The following MPP2 variants were observed in gnomAD, a reference collection of about 807,000 sequenced individuals.
MPP2 encodes the protein MAGUK p55 scaffold protein 2, also known as MAGUK p55 subfamily member 2.
Under a neutral mutation model 58.5 loss-of-function variants are expected in MPP2, and 42 were observed. The observed-to-expected ratio is 0.72, with a 90% CI of 0.56 to 0.93. The LOEUF is 0.93. Among genes scored for constraint, MPP2 ranks in the 40% least tolerant of loss-of-function variants. The pLI is 0.00. For missense variants in MPP2, 632 were observed against 760.4 expected, an observed-to-expected ratio of 0.83 and a Z score of 1.99; for synonymous variants, 300 against 307.8, an observed-to-expected ratio of 0.97 and a Z score of 0.26.
intron 3 of MPP2, among the ~76,000 whole-genome samples, 192 bp downstream of exon 3, chr17:43,898,070 T>TGA (rs1322695685): frequency 1.3e-5 from 2 of 152,134 alleles, no homozygotes; most frequent in Non-Finnish European, 2.9e-5. Context: ...ACCAGACAGG[T>TGA]GTGGGGGCAG....
At chr17:43,882,207 G>A (rs1373556372) in intron 6 of MPP2, 77 bp downstream of exon 6, 4 of 1,337,202 alleles carry the variant, frequency 3.0e-6, no homozygotes, top group African/African-American at 2.9e-5. Flanking sequence ...GGAGAGGAGG[G>A]CCTCCGTGAG....
chr17:43,881,043 C>T (rs369615449), intron 9 of MPP2, 47 bp downstream of exon 9: 1 of 1,600,094 alleles, frequency 6.2e-7, no homozygotes, highest in African/African-American at 1.3e-5. Flanking sequence ...CAGGGAAAGG[C>T]ATGCCATGTT....
intron 1 of MPP2, chr17:43,905,685 C>G (rs1218714166): frequency 1.3e-5 from 2 of 152,284 alleles, no homozygotes; most frequent in African/African-American, 4.8e-5. Context: ...GCAGTGCCCA[C>G]TTTAGGACTG....
intron 1 of MPP2, among the ~76,000 whole-genome samples, chr17:43,905,013 C>CA (rs967914171): frequency 9.9e-5 from 15 of 151,822 alleles, no homozygotes; most frequent in African/African-American, 3.4e-4. Context: ...CCCATCTCTA[C>CA]AAAAAAATTA....
intron 1 of MPP2, among the ~76,000 whole-genome samples, chr17:43,906,559 A>C (rs1037776491): frequency 2.0e-5 from 3 of 152,138 alleles, no homozygotes; most frequent in African/African-American, 7.2e-5. Context: ...ACATACAAAG[A>C]GGTGCGGAGA....
upstream of MPP2, chr17:43,909,694 A>G (rs3744416): frequency 0.47 from 498,536 of 1,057,572 alleles, 122,018 homozygotes; most frequent in Middle Eastern, 0.54. Flanking sequence ...GTATCTCTCT[A>G]ATAAAGGCCT....
chr17:43,905,104 G>A (rs919811141), intron 1 of MPP2, among the ~76,000 whole-genome samples: 2 of 152,064 alleles, frequency 1.3e-5, no homozygotes, highest in East Asian at 1.9e-4. Flanking sequence ...TTGAGCCCAG[G>A]AGGTCGAGGC....
At chr17:43,899,219 C>G (rs777823687) in intron 2 of MPP2, among the ~76,000 whole-genome samples, 5 of 151,656 alleles carry the variant, frequency 3.3e-5, no homozygotes, top group Admixed American at 6.6e-5. Context: ...TGCCCTCCAT[C>G]CTGGGCGACA....
chr17:43,901,950 T>C (rs537403157), intron 2 of MPP2, among the ~76,000 whole-genome samples: 2 of 151,776 alleles, frequency 1.3e-5, no homozygotes, highest in South Asian at 4.2e-4. Context: ...CTTTGCAGAG[T>C]CCAAGGCAGG....
rs748253927 is a variant in MPP2, at chr17:43,882,515, G to A, written c.454-4C>T. 3 of 1,602,150 alleles carry A rather than the reference G, an allele frequency of 1.9e-6. No individual in the cohort carries two copies. The Admixed American group carries it at 5.0e-5, about 27-fold the overall frequency. On this transcript the variant is annotated splice_polypyrimidine_tract_variant and splice_region_variant and intron_variant, in intron 5 of 12. Transcript: ENST00000269095. The stretch of plus-strand genomic sequence containing the variant: ...CCTCCACGCGGAACGTTACACCCTG[G>A]AGGTCAGAGGGAGTGTAAGATGAGG...
At chr17:43,899,751 C>A (rs1186960750) in intron 2 of MPP2, among the ~76,000 whole-genome samples, 2 of 152,032 alleles carry the variant, frequency 1.3e-5, no homozygotes, top group Non-Finnish European at 2.9e-5. Context: ...ATGGAGGACA[C>A]GATAACACCT....
rs2046984472 is a variant in MPP2, at chr17:43,879,194, CCTT to C, written c.1482+78_1482+80del. ...CCCCTGTCCCTCCCCAACACCACCT[CCTT>C]CTCTCTGTCAGCTCAGGCCTGTCCC... On this transcript the variant is annotated intron_variant, in intron 12 of 12. Coordinates refer to ENST00000269095, the MANE Select transcript of MPP2 (RefSeq NM_005374.5). This position sits in a 1 kb window ranked among gnomAD's most constrained non-coding sequence, Gnocchi z 4.1. The C allele has an allele frequency of 1.3e-6, 2 of 1,519,046 alleles. No individual in the cohort carries two copies. The highest frequency in any genetic ancestry group is 1.8e-6 in the Non-Finnish European group (2 of 1,120,052). 94.1% of individuals were successfully genotyped at this position (1,519,046 alleles called of 1,614,324 possible).
chr17:43,900,545 C>T lies in MPP2; in HGVS notation c.32-2165G>A, dbSNP rs565608249. 5.8e-6 allele frequency: 9 copies of T among 1,546,454 alleles called. 2 individuals are homozygous for T. The African/African-American group carries it at 1.2e-4, about 21-fold the overall frequency. ...CAAGGAGACCCCGCTGCCTGGGCTG[C>T]CTGCCATGGCGGCCCCCAGACCCGG... is the stretch of plus-strand genomic sequence containing the variant. On this transcript the variant is annotated intron_variant, in intron 2 of 12. Transcript: ENST00000269095.
At chr17:43,878,040 T>C in intron 12 of MPP2, 57 bp from the exon 13 acceptor site, 1 of 1,543,684 alleles carries the variant, frequency 6.5e-7, no homozygotes, top group Non-Finnish European at 8.8e-7. Context: ...ACCCCCACTG[T>C]CAGAAGGAGC....
chr17:43,906,135 C>G, intron 1 of MPP2: 1 of 984,706 alleles, frequency 1.0e-6, no homozygotes, highest in Non-Finnish European at 1.2e-6. Context: ...AGAAGGGACT[C>G]CAGAAGTCCT....
chr17:43,881,687 G>A (rs1437726115), intron 6 of MPP2, 98 bp from the exon 7 acceptor site: 1 of 1,454,530 alleles, frequency 6.9e-7, no homozygotes, highest in Non-Finnish European at 9.3e-7. Flanking sequence ...AGACTAAGGG[G>A]CAATGGAACT....
rs768402084 is a variant in MPP2 at position 43,880,897 on chromosome 17, G to T, written c.989-45C>A. 11 of 1,569,178 alleles carry T rather than the reference G, an allele frequency of 7.0e-6. No individual in the cohort carries two copies. The South Asian group carries it at 1.2e-4, about 17-fold the overall frequency. ...GCTGCTCACCAGGCTGCACGGTGAG[G>T]GAGGGGCGGAGCTCTCAGGGAGGCT... is the stretch of plus-strand genomic sequence containing the variant. On this transcript the variant is annotated intron_variant, in intron 9 of 12. Coordinates refer to ENST00000269095, the MANE Select transcript of MPP2 (RefSeq NM_005374.5). This position sits in a 1 kb window ranked among gnomAD's most constrained non-coding sequence, Gnocchi z 5.2.
At chr17:43,900,592 C>A in intron 2 of MPP2, 4 of 1,508,734 alleles carry the variant, frequency 2.7e-6, no homozygotes, top group South Asian at 1.2e-5. Flanking sequence ...GCGTCCTACA[C>A]GCCGCCGTCT....
At chr17:43,887,924 G>A (rs189971196) in intron 3 of MPP2, among the ~76,000 whole-genome samples, 1 of 152,242 alleles carries the variant, frequency 6.6e-6, no homozygotes, top group African/African-American at 2.4e-5. Flanking sequence ...TATTATGGCT[G>A]AGATGTACTC....
Sources: gnomAD v4.1 joint callset for allele counts (sites outside exome capture counted in the v4.1 genomes callset) on GRCh38, gnomAD v4.1.1 for gene constraint, Gnocchi (gnomAD v3.1) non-coding constraint, MANE v1.5 for transcripts, NCBI Gene and HGNC (gene_info 2026-07-23, HGNC 2026-07-21) for gene names.